ANKS1B: variants seen among roughly 807,000 people sequenced by gnomAD.
ANKS1B encodes ankyrin repeat and sterile alpha motif domain containing 1B.
ANKS1B carries 36 observed loss-of-function variants against 148.3 expected under a neutral mutation model. The observed-to-expected ratio is 0.24, with a 90% CI of 0.19 to 0.32. ANKS1B has a LOEUF of 0.32. Among genes scored for constraint, ANKS1B ranks in the 10% least tolerant of loss-of-function variants. ANKS1B has a pLI of 1.00. For missense variants in ANKS1B, 1,157 were observed against 1,542.6 expected, an observed-to-expected ratio of 0.75 and a Z score of 4.19; for synonymous variants, 542 against 560.8, an observed-to-expected ratio of 0.97 and a Z score of 0.47.
chr12:99,072,699 A>G (rs2046645422), intron 16 of ANKS1B, among the ~76,000 whole-genome samples: 1 of 152,192 alleles, frequency 6.6e-6, no homozygotes, highest in Non-Finnish European at 1.5e-5. Context: ...TATGAATTCT[A>G]GTTTATCCAC....
intron 17 of ANKS1B, among the ~76,000 whole-genome samples, chr12:98,953,169 T>C (rs923721584): frequency 2.0e-5 from 3 of 152,102 alleles, no homozygotes; most frequent in Non-Finnish European, 4.4e-5. Context: ...TAGAGGTACC[T>C]GCTACCACAC....
intron 15 of ANKS1B, among the ~76,000 whole-genome samples, chr12:99,098,196 C>G (rs2056836067): frequency 6.6e-6 from 1 of 152,164 alleles, no homozygotes; most frequent in Non-Finnish European, 1.5e-5. Flanking sequence ...GCTGAGATCA[C>G]ACAGTAAGTG....
intron 12 of ANKS1B, among the ~76,000 whole-genome samples, chr12:99,338,503 G>C (rs1022396903): frequency 2.6e-5 from 4 of 152,164 alleles, no homozygotes; most frequent in Non-Finnish European, 2.9e-5. Flanking sequence ...TTAAGAGCCT[G>C]CTTTGTGCTC....
intron 9 of ANKS1B, among the ~76,000 whole-genome samples, chr12:99,561,865 A>G (rs905623437): frequency 2.0e-5 from 3 of 152,224 alleles, no homozygotes; most frequent in Non-Finnish European, 4.4e-5. Flanking sequence ...AATGTTCTTA[A>G]TAGCAAGTAG....
At chr12:99,747,821 G>A (rs1027479497) in intron 8 of ANKS1B, among the ~76,000 whole-genome samples, 13 of 152,024 alleles carry the variant, frequency 8.6e-5, no homozygotes, top group Non-Finnish European at 1.9e-4. Flanking sequence ...TTAAACACAT[G>A]TGAAAAATGA....
At chr12:99,572,836 C>T (rs2097474658) in intron 9 of ANKS1B, among the ~76,000 whole-genome samples, 1 of 151,844 alleles carries the variant, frequency 6.6e-6, no homozygotes, top group South Asian at 2.1e-4. Context: ...TTAATTTATA[C>T]AAATAAATCT....
chr12:99,982,061 T>C (rs954404299), intron 1 of ANKS1B, among the ~76,000 whole-genome samples: 1 of 152,150 alleles, frequency 6.6e-6, no homozygotes, highest in African/African-American at 2.4e-5. Context: ...TCAGACACTA[T>C]TCAGTATAAG....
At chr12:99,730,923 TTTTG>T (rs1213482355) in intron 8 of ANKS1B, among the ~76,000 whole-genome samples, 1 of 152,150 alleles carries the variant, frequency 6.6e-6, no homozygotes, top group Non-Finnish European at 1.5e-5. Flanking sequence ...TTTGTTTTTG[TTTTG>T]TTTCTTTTGT....
At chr12:99,470,830 C>T (rs1255712725) in intron 10 of ANKS1B, among the ~76,000 whole-genome samples, 1 of 152,068 alleles carries the variant, frequency 6.6e-6, no homozygotes, top group African/African-American at 2.4e-5. Flanking sequence ...CCACATTAGC[C>T]AGGAACCCAT....
intron 8 of ANKS1B, among the ~76,000 whole-genome samples, chr12:99,727,384 T>A (rs959273272): frequency 1.3e-5 from 2 of 151,918 alleles, no homozygotes; most frequent in Non-Finnish European, 2.9e-5. Flanking sequence ...GAACTCCCAT[T>A]CACAATTGCT....
chr12:99,200,070 T>C (rs144830036), intron 14 of ANKS1B, among the ~76,000 whole-genome samples: 49 of 152,350 alleles, frequency 3.2e-4, no homozygotes, highest in Admixed American at 1.5e-3. Flanking sequence ...TTAACACAGA[T>C]ACACTCTGGT....
intron 8 of ANKS1B, among the ~76,000 whole-genome samples, chr12:99,735,370 G>C (rs2059518205): frequency 1.3e-5 from 2 of 151,962 alleles, no homozygotes; most frequent in Admixed American, 1.3e-4. Context: ...CCACTAGCTA[G>C]ACTAACCAAG....
intron 17 of ANKS1B, among the ~76,000 whole-genome samples, chr12:98,842,560 C>A (rs1158448617): frequency 6.6e-6 from 1 of 152,028 alleles, no homozygotes; most frequent in Non-Finnish European, 1.5e-5. Flanking sequence ...ATAAAATGGG[C>A]GATTTTCATG....
intron 25 of ANKS1B, among the ~76,000 whole-genome samples, chr12:98,757,314 TG>T (rs2098274064): frequency 6.6e-6 from 1 of 152,202 alleles, no homozygotes; most frequent in African/African-American, 2.4e-5. Flanking sequence ...AGGCCCCAGA[TG>T]TTGTTGAGCA....
intron 17 of ANKS1B, among the ~76,000 whole-genome samples, chr12:98,845,139 G>A (rs1290395973): frequency 6.6e-6 from 1 of 152,126 alleles, no homozygotes; most frequent in Non-Finnish European, 1.5e-5. Context: ...AACCCATTTA[G>A]AATAATTTTA....
rs550198790 is a variant in ANKS1B, at chr12:99,013,514, G to A, written c.2778+39643C>T. 5.9e-5 allele frequency among the ~76,000 whole-genome samples: 9 copies of A among 152,260 alleles called. No homozygotes were observed. In the East Asian group the frequency reaches 1.7e-3, roughly 29 times the overall value. On this transcript the variant is annotated intron_variant, in intron 17 of 26. Transcript: ENST00000683438. Reference sequence around the variant, plus strand: ...CATAATATTGGAAGTTCTGGACAGGGCAATCAGGCAAGAGGAAGAAATAAA... The same window carrying A: ...CATAATATTGGAAGTTCTGGACAGGACAATCAGGCAAGAGGAAGAAATAAA...
At chr12:99,380,239 G>A (rs2093582212) in intron 12 of ANKS1B, among the ~76,000 whole-genome samples, 1 of 152,260 alleles carries the variant, frequency 6.6e-6, no homozygotes, top group Admixed American at 6.5e-5. Context: ...TATTCAATCA[G>A]AGCTTTCACC....
At chr12:99,618,854 A>G (rs772575373) in intron 9 of ANKS1B, among the ~76,000 whole-genome samples, 2 of 152,122 alleles carry the variant, frequency 1.3e-5, no homozygotes, top group Non-Finnish European at 1.5e-5. Flanking sequence ...CAGGCATTTT[A>G]GTCTCAGGCC....
At chr12:99,506,383 A>C (rs1011408252) in intron 9 of ANKS1B, among the ~76,000 whole-genome samples, 1 of 152,050 alleles carries the variant, frequency 6.6e-6, no homozygotes, top group African/African-American at 2.4e-5. Context: ...CCAGACCCTC[A>C]CACATCAGAG....
Sources: allele counts gnomAD v4.1 joint callset (sites outside exome capture counted in the v4.1 genomes callset), GRCh38; gene constraint gnomAD v4.1.1; transcripts MANE v1.5; gene names NCBI Gene and HGNC (gene_info 2026-07-23, HGNC 2026-07-21).